STN1: variants seen among roughly 807,000 people sequenced by gnomAD.
STN1 encodes CST complex subunit STN1.
STN1 carries 29 observed loss-of-function variants against 45.5 expected under a neutral mutation model. That is an observed-to-expected ratio of 0.64 (90% CI 0.47 to 0.87). The LOEUF (loss-of-function observed/expected upper bound fraction) is 0.87. STN1 is among the 40% of genes least tolerant of loss of function. The pLI, the probability that STN1 is intolerant of heterozygous loss-of-function variation, is 0.00. For synonymous variants in STN1, 148 were observed against 159.0 expected (o/e 0.93, Z 0.52); for missense variants, 376 against 441.4 (o/e 0.85, Z 1.33).
Position 103,898,914 on chromosome 10 carries a change from A to G in STN1, c.544T>C (p.Phe182Leu). The G allele has an allele frequency of 6.2e-7, 1 of 1,614,038 alleles. No homozygotes were observed. The highest frequency in any genetic ancestry group is 8.5e-7 in the Non-Finnish European group (1 of 1,179,988). The change falls in exon 6 of 10, where the codon TTT becomes CTT. Residue 182 changes from phenylalanine to leucine, a missense_variant. Coordinates refer to ENST00000224950, the MANE Select transcript of STN1 (RefSeq NM_024928.5). ...TCTTTCTCTAGGGCTGAGCTGTGAA[A>G]AGGCTGGTCATAAACTTTCCTGTAG... ...TIYRKVYDQPFHSSALEKEEA... is the reference protein window; with the variant it reads ...TIYRKVYDQPLHSSALEKEEA...
In STN1 at chr10:103,909,422, A is replaced by ATATG. The variant is rs1322416476; in HGVS notation, c.229+1104_229+1105insCATA. Reference sequence around the variant, plus strand: ...TGTATATATATGTATATATGTATATATGTATATATATGTATATATATGTAT... The same window carrying ATATG: ...TGTATATATATGTATATATGTATATATATGTGTATATATATGTATATATATGTAT... On this transcript the variant is annotated intron_variant, in intron 3 of 9. Coordinates refer to ENST00000224950, the MANE Select transcript of STN1 (RefSeq NM_024928.5). 6.0e-3 allele frequency among the ~76,000 whole-genome samples: 352 copies of ATATG among 58,200 alleles called. 20 individuals carry two copies. The highest frequency in any genetic ancestry group is 0.026 in the African/African-American group (339 of 13,222). The allele number at this position is 58,200 out of a possible 152,430, so 38.2% of individuals were successfully genotyped here. A position where few individuals can be genotyped will look rare whatever the true frequency, so the allele number is the denominator to read the frequency against.
chr10:103,882,817 A>AG lies in STN1; in HGVS notation c.973dup (p.Leu325ProfsTer32). On this transcript the variant is annotated frameshift_variant, in exon 10 of 10. Transcript: ENST00000224950. LOFTEE classifies it high-confidence loss of function. ...CAGGCGAGCACAGGCCAAGATGTGCAGGAAGTGACAGCCCTTCTCCATGTC... is the reference window on the plus strand; with the variant it reads ...CAGGCGAGCACAGGCCAAGATGTGCAGGGAAGTGACAGCCCTTCTCCATGTC... 6.2e-7 allele frequency: 1 copy of AG among 1,613,324 alleles called. No homozygotes were observed. The highest frequency in any genetic ancestry group is 8.5e-7 in the Non-Finnish European group (1 of 1,179,502).
At position 103,898,990 on chromosome 10, in the gene STN1, G is replaced by T; in HGVS notation, c.468C>A (p.Asp156Glu). Residue 156 changes from aspartate (D) to glutamate (E), a missense_variant, in exon 6 of 10, where the codon GAC becomes GAA. By Grantham distance (45) the Asp-to-Glu change is conservative (BLOSUM62 2). Coordinates refer to ENST00000224950, the MANE Select transcript of STN1 (RefSeq NM_024928.5). ...CAATTTGAATGTTCCACACTGGGTC[G>T]TCCACTTTATCTAACAAGTGACCAG... ...EIHATTYYKV[D>E]DPVWNIQIAR... 6.2e-7 allele frequency: 1 copy of T among 1,613,934 alleles called. No homozygotes were observed. Among genetic ancestry groups the T allele is most frequent in the African/African-American group, 1.3e-5 (1 of 75,034 alleles).
At chr10:103,911,058 T>C (rs1843287409) in intron 2 of STN1, among the ~76,000 whole-genome samples, 1 of 150,090 alleles carries the variant, frequency 6.7e-6, no homozygotes, top group Non-Finnish European at 1.5e-5. Context: ...AAACCAGTCA[T>C]GATTTCTTTG....
chr10:103,883,503 GA>G (rs1843084393), intron 9 of STN1, among the ~76,000 whole-genome samples: 1 of 152,042 alleles, frequency 6.6e-6, no homozygotes, highest in Non-Finnish European at 1.5e-5. Context: ...ATGAGAAAAT[GA>G]AATAACTTTT....
chr10:103,911,195 T>C (rs1309991742), intron 2 of STN1, among the ~76,000 whole-genome samples: 1 of 152,084 alleles, frequency 6.6e-6, no homozygotes, highest in African/African-American at 2.4e-5. Context: ...AGGCTACAGA[T>C]GGTGGCAGGC....
chr10:103,896,802 C>T (rs1484112205), intron 7 of STN1, among the ~76,000 whole-genome samples: 1 of 152,016 alleles, frequency 6.6e-6, no homozygotes. Flanking sequence ...TCCCAAAATG[C>T]TGGGATTACA....
Position 103,910,612 on chromosome 10 carries a change from CAAAAATACACCTAAAATTTA to C in STN1, c.134-10_143del. On this transcript the variant is annotated splice_acceptor_variant and splice_polypyrimidine_tract_variant and coding_sequence_variant and intron_variant, in exon 3 of 10. Transcript: ENST00000224950. LOFTEE classifies it high-confidence loss of function. ...CCTGTTTTATTGGATGTCCATTGTA[CAAAAATACACCTAAAATTTA>C]AAAAAAGCAAAGTCGACATAATGTA... The C allele has an allele frequency of 3.1e-6, 5 of 1,596,234 alleles. No homozygotes were observed. The highest frequency in any genetic ancestry group is 4.3e-6 in the Non-Finnish European group (5 of 1,165,664).
Position 103,881,362 on chromosome 10 carries a change from C to A in STN1, c.*1322G>T, listed in dbSNP as rs1843067583. On this transcript the variant is annotated 3_prime_UTR_variant, in exon 10 of 10. Transcript: ENST00000224950. ...CATTCAACGTGGAACAGCTGCTGAC[C>A]TCAAGGAAGAACTGCCCAGGACATC... Among the ~76,000 whole-genome samples, 1 of 152,216 alleles carries A rather than the reference C, an allele frequency of 6.6e-6. No individual in the cohort carries two copies. Among genetic ancestry groups the A allele is most frequent in the Admixed American group, 6.5e-5 (1 of 15,282 alleles).
At chr10:103,901,326 A>G (rs1201001991) in intron 4 of STN1, among the ~76,000 whole-genome samples, 1 of 152,210 alleles carries the variant, frequency 6.6e-6, no homozygotes, top group African/African-American at 2.4e-5. Flanking sequence ...GCCTCAAGCA[A>G]TCCTCCCACC....
chr10:103,883,560 C>T (rs749871658), intron 9 of STN1, among the ~76,000 whole-genome samples: 8 of 152,172 alleles, frequency 5.3e-5, no homozygotes, highest in Admixed American at 3.3e-4. Context: ...CAGAGAGACA[C>T]GACCATGAAA....
intron 2 of STN1, among the ~76,000 whole-genome samples, chr10:103,914,372 A>ATTTTTTTTTTTTTTTT (rs1564636185): frequency 1.2e-5 from 1 of 82,702 alleles, no homozygotes; most frequent in African/African-American, 5.7e-5. Flanking sequence ...ATATATATAT[A>ATTTTTTTTTTTTTTTT]TATTTTTTTT....
rs767825982 is a variant in STN1, at chr10:103,900,263, T to C, written c.296-40A>G. On this transcript the variant is annotated intron_variant, in intron 4 of 9. Coordinates refer to ENST00000224950, the MANE Select transcript of STN1 (RefSeq NM_024928.5). ...AGCCAGAGGGAAAGAGAAAAAGTTATAACACAATCACTCTACCACATCTGT... is the reference window on the plus strand; with the variant it reads ...AGCCAGAGGGAAAGAGAAAAAGTTACAACACAATCACTCTACCACATCTGT... The C allele has an allele frequency of 5.6e-6, 9 of 1,603,292 alleles. No individual in the cohort carries two copies. The Admixed American group carries it at 1.4e-4, about 24-fold the overall frequency.
intron 8 of STN1, 32 bp from the exon 9 acceptor site, chr10:103,889,176 GTTCTT>G: frequency 7.0e-7 from 1 of 1,426,116 alleles, no homozygotes; most frequent in Non-Finnish European, 9.9e-7. Flanking sequence ...GAGAGAGAGT[GTTCTT>G]AGGTAACACA....
intron 8 of STN1, among the ~76,000 whole-genome samples, chr10:103,891,429 G>T (rs577839894): frequency 1.3e-5 from 2 of 152,272 alleles, no homozygotes; most frequent in Admixed American, 1.3e-4. Flanking sequence ...GGAGATACCC[G>T]GCAATGTCCA....
At chr10:103,905,819 T>G (rs780572514) in intron 3 of STN1, among the ~76,000 whole-genome samples, 20 of 152,246 alleles carry the variant, frequency 1.3e-4, no homozygotes, top group Non-Finnish European at 7.3e-5. Context: ...CTAGTCTGGC[T>G]TATGTTATTC....
Position 103,881,964 on chromosome 10 carries a change from G to A in STN1, c.*720C>T, listed in dbSNP as rs117696868. ...GGCTGACTGCCTCCGTGATCTTCAG[G>A]GGCATCGAGGGACAATGTATTTAGT... On this transcript the variant is annotated 3_prime_UTR_variant, in exon 10 of 10. Coordinates refer to ENST00000224950, the MANE Select transcript of STN1 (RefSeq NM_024928.5). Among the ~76,000 whole-genome samples, 224 of 152,300 alleles carry A rather than the reference G, an allele frequency of 1.5e-3. 3 individuals carry two copies. The East Asian group carries it at 0.035, about 24-fold the overall frequency.
rs781564329 is a variant in STN1 at position 103,882,649 on chromosome 10, T to G, written c.*35A>C. The G allele has an allele frequency of 1.9e-6, 3 of 1,573,630 alleles. No homozygotes were observed. The highest frequency in any genetic ancestry group is 1.8e-5 in the Admixed American group (1 of 56,384). ...GAGCCTGGGGGTGAATGCCACCTTATCTTTGTCCTCCTCAGCTGGTCTGCG... is the reference window on the plus strand; with the variant it reads ...GAGCCTGGGGGTGAATGCCACCTTAGCTTTGTCCTCCTCAGCTGGTCTGCG... On this transcript the variant is annotated 3_prime_UTR_variant, in exon 10 of 10. Transcript: ENST00000224950.
At chr10:103,911,005 C>A (rs1431009253) in intron 2 of STN1, among the ~76,000 whole-genome samples, 1 of 84,884 alleles carries the variant, frequency 1.2e-5, no homozygotes, top group Non-Finnish European at 2.5e-5. Flanking sequence ...ATGAGAAAGG[C>A]TTCTTTGGCT....
Sources: gnomAD v4.1 joint callset for allele counts (sites outside exome capture counted in the v4.1 genomes callset) on GRCh38, gnomAD v4.1.1 for gene constraint, MANE v1.5 for transcripts, NCBI Gene and HGNC (gene_info 2026-07-23, HGNC 2026-07-21) for gene names.